SPATS2L: variants seen among roughly 807,000 people sequenced by gnomAD.
The protein encoded by SPATS2L is spermatogenesis associated serine rich 2 like.
Under a neutral mutation model 59.6 loss-of-function variants are expected in SPATS2L, and 30 were observed. That is an observed-to-expected ratio of 0.50 (90% CI 0.38 to 0.68). The LOEUF (loss-of-function observed/expected upper bound fraction) is 0.68. Among genes scored for constraint, SPATS2L ranks in the 30% least tolerant of loss-of-function variants. SPATS2L has a pLI of 0.00. For missense variants in SPATS2L, 615 were observed against 700.0 expected (o/e 0.88, Z 1.37); for synonymous variants, 252 against 263.5 (o/e 0.96, Z 0.42).
intron 1 of SPATS2L, among the ~76,000 whole-genome samples, chr2:200,327,270 G>A (rs1387092399): frequency 6.6e-6 from 1 of 151,934 alleles, no homozygotes; most frequent in Non-Finnish European, 1.5e-5. Context: ...CCAGTGTGGT[G>A]GCATGCACCT....
At chr2:200,444,486 G>T (rs2084903609) in intron 8 of SPATS2L, among the ~76,000 whole-genome samples, 1 of 152,128 alleles carries the variant, frequency 6.6e-6, no homozygotes, top group African/African-American at 2.4e-5. Context: ...CAATGGGGTA[G>T]CGTGTGTGCT....
At chr2:200,447,222 G>T (rs1230215572) in intron 8 of SPATS2L, among the ~76,000 whole-genome samples, 1 of 152,134 alleles carries the variant, frequency 6.6e-6, no homozygotes, top group Non-Finnish European at 1.5e-5. Context: ...TCTGCTTGGG[G>T]GTTATTCTTT....
At chr2:200,412,962 G>A (rs1319557499) in intron 4 of SPATS2L, among the ~76,000 whole-genome samples, 3 of 152,116 alleles carry the variant, frequency 2.0e-5, no homozygotes, top group African/African-American at 7.2e-5. Context: ...AGGCTGAGGT[G>A]GGAGGATGGC....
rs186508788 is a variant in SPATS2L, at chr2:200,429,772, A to T, written c.446-9350A>T. 1.2e-4 allele frequency among the ~76,000 whole-genome samples: 19 copies of T among 152,298 alleles called. No homozygotes were observed. The East Asian group carries it at 3.5e-3, about 28-fold the overall frequency. ...AAGTTAACATTCTACTAGCTGGCAA[A>T]AGAGAATTGCTTACAGGGTCCAGCT... On this transcript the variant is annotated intron_variant, in intron 6 of 12. Coordinates refer to ENST00000409140, the MANE Select transcript of SPATS2L (RefSeq NM_001100423.2).
intron 2 of SPATS2L, chr2:200,383,744 T>C: frequency 3.8e-6 from 1 of 265,670 alleles, no homozygotes; most frequent in Non-Finnish European, 6.0e-6. Flanking sequence ...GCCCCAAATA[T>C]GCAGTATGAT....
intron 9 of SPATS2L, among the ~76,000 whole-genome samples, chr2:200,465,656 A>G (rs909476726): frequency 6.6e-6 from 1 of 152,260 alleles, no homozygotes; most frequent in Non-Finnish European, 1.5e-5. Flanking sequence ...AAGCATGATT[A>G]GCATAGTTTG....
chr2:200,364,618 T>G (rs1165333936), intron 2 of SPATS2L, among the ~76,000 whole-genome samples: 1 of 152,250 alleles, frequency 6.6e-6, no homozygotes, highest in African/African-American at 2.4e-5. Context: ...TTTATTTCAC[T>G]TGTTGCCAAG....
intron 8 of SPATS2L, among the ~76,000 whole-genome samples, chr2:200,459,427 A>C (rs1316092548): frequency 6.6e-6 from 1 of 152,192 alleles, no homozygotes; most frequent in Non-Finnish European, 1.5e-5. Flanking sequence ...CCAGCTTTTC[A>C]AATACTTATT....
intron 2 of SPATS2L, among the ~76,000 whole-genome samples, chr2:200,334,834 A>G (rs2080086876): frequency 6.6e-6 from 1 of 152,104 alleles, no homozygotes; most frequent in South Asian, 2.1e-4. Flanking sequence ...GATATGTGGC[A>G]TTATTTCTGA....
chr2:200,311,262 G>A (rs1397572550), intron 1 of SPATS2L, among the ~76,000 whole-genome samples: 2 of 152,192 alleles, frequency 1.3e-5, no homozygotes, highest in Non-Finnish European at 2.9e-5. Context: ...TTTGAAGGAG[G>A]CGTCTGTCAA....
chr2:200,321,073 G>A (rs949585228), intron 1 of SPATS2L, among the ~76,000 whole-genome samples: 4 of 152,118 alleles, frequency 2.6e-5, no homozygotes, highest in Admixed American at 1.3e-4. Context: ...AAAATTAAAA[G>A]TCAGCTCAAA....
At chr2:200,402,410 G>A (rs1039009575) in intron 3 of SPATS2L, among the ~76,000 whole-genome samples, 3 of 152,122 alleles carry the variant, frequency 2.0e-5, no homozygotes, top group South Asian at 2.1e-4. Context: ...ATTCCTTTGA[G>A]CATGTTCTTC....
chr2:200,363,833 C>T (rs2081185189), intron 2 of SPATS2L, among the ~76,000 whole-genome samples: 2 of 152,284 alleles, frequency 1.3e-5, no homozygotes, highest in South Asian at 2.1e-4. Flanking sequence ...GGATCAGTCT[C>T]CACCTGCATG....
At chr2:200,309,919 T>C (rs1346717555) in intron 1 of SPATS2L, among the ~76,000 whole-genome samples, 1 of 152,238 alleles carries the variant, frequency 6.6e-6, no homozygotes, top group East Asian at 1.9e-4. Flanking sequence ...GTTGTGGTAA[T>C]GGGTAGGATC....
At chr2:200,407,838 A>G (rs942912094) in intron 3 of SPATS2L, among the ~76,000 whole-genome samples, 2 of 152,182 alleles carry the variant, frequency 1.3e-5, no homozygotes, top group African/African-American at 4.8e-5. Flanking sequence ...TGGTCCACAC[A>G]AGATGGTGGA....
chr2:200,470,609 G>T (rs1428748575), intron 11 of SPATS2L, among the ~76,000 whole-genome samples: 1 of 152,210 alleles, frequency 6.6e-6, no homozygotes, highest in African/African-American at 2.4e-5. Flanking sequence ...CCCACAAGGG[G>T]AGGTGGGAAT....
At chr2:200,442,174 G>A (rs909604836) in intron 8 of SPATS2L, among the ~76,000 whole-genome samples, 3 of 152,074 alleles carry the variant, frequency 2.0e-5, no homozygotes, top group African/African-American at 7.2e-5. Context: ...ATTGTTGAAA[G>A]CAACTCCAAG....
At chr2:200,441,286 G>A (rs2084680815) in intron 8 of SPATS2L, among the ~76,000 whole-genome samples, 1 of 152,102 alleles carries the variant, frequency 6.6e-6, no homozygotes, top group African/African-American at 2.4e-5. Context: ...GTCCTGCCTT[G>A]CCCTTCCCTG....
In SPATS2L at chr2:200,369,067, T is replaced by A. The variant is rs555216537; in HGVS notation, c.-22-20156T>A. 4.6e-5 allele frequency among the ~76,000 whole-genome samples: 5 copies of A among 109,096 alleles called. No homozygotes were observed. The East Asian group carries it at 1.4e-3, about 30-fold the overall frequency. The allele number at this position is 109,096 out of a possible 152,430, so 71.6% of individuals were successfully genotyped here. ...CTGTTTGAATGATTAGAATTAGAGA[T>A]TTGATAGTTCTAAAAAAAAAAAAAA... On this transcript the variant is annotated intron_variant, in intron 2 of 12. Transcript: ENST00000409140.
Sources: allele counts gnomAD v4.1 joint callset (sites outside exome capture counted in the v4.1 genomes callset), GRCh38; gene constraint gnomAD v4.1.1; transcripts MANE v1.5; gene names NCBI Gene and HGNC (gene_info 2026-07-23, HGNC 2026-07-21).